Variants in COLEC12 observed in about 807,000 individuals in gnomAD.
The protein encoded by COLEC12 is collectin-12.
Under a neutral mutation model 71.1 loss-of-function variants are expected in COLEC12, and 33 were observed. The ratio of observed to expected loss-of-function variants is 0.46; its 90% CI spans 0.35 to 0.62. The LOEUF is 0.62. COLEC12 is among the 20% of genes least tolerant of loss of function. COLEC12 has a pLI of 0.00. For synonymous variants in COLEC12, 350 were observed against 353.0 expected, an observed-to-expected ratio of 0.99 and a Z score of 0.10; for missense variants, 765 against 916.1, an observed-to-expected ratio of 0.84 and a Z score of 2.13.
At chr18:432,053 G>C (rs147076521) in intron 2 of COLEC12, among the ~76,000 whole-genome samples, 2,485 of 152,256 alleles carry the variant, frequency 0.016, 55 homozygotes, top group Admixed American at 0.045. Context: ...AACATGGAAA[G>C]ATCACTGCTG....
chr18:420,283 C>T (rs536976175), intron 2 of COLEC12, among the ~76,000 whole-genome samples: 2 of 152,216 alleles, frequency 1.3e-5, no homozygotes, highest in Middle Eastern at 3.4e-3. Context: ...CAATGTAACA[C>T]GTGTATCACT....
rs952162500 is a variant in COLEC12, at chr18:317,555, T to A, written c.*2490A>T. Reference sequence around the variant, plus strand: ...TTGAAGGACTTGGACCAGTGCCTGATAAATAATAAGCACTTGGTAAGTTAT... The same window carrying A: ...TTGAAGGACTTGGACCAGTGCCTGAAAAATAATAAGCACTTGGTAAGTTAT... On this transcript the variant is annotated 3_prime_UTR_variant, in exon 10 of 10. Transcript: ENST00000400256. The A allele has an allele frequency of 3.9e-5, 6 of 152,244 alleles. No individual in the cohort carries two copies. The highest frequency in any genetic ancestry group is 8.8e-5 in the Non-Finnish European group (6 of 68,058). 9.4% of individuals were successfully genotyped at this position (152,244 alleles called of 1,614,324 possible).
intron 3 of COLEC12, among the ~76,000 whole-genome samples, chr18:354,511 T>C (rs1369961661): frequency 1.3e-5 from 2 of 152,250 alleles, no homozygotes; most frequent in Non-Finnish European, 2.9e-5. Context: ...TTGTGTTTCT[T>C]TCATTGAATA....
intron 2 of COLEC12, among the ~76,000 whole-genome samples, chr18:387,896 T>A (rs114615670): frequency 0.041 from 6,218 of 152,290 alleles, 452 homozygotes; most frequent in African/African-American, 0.14. Flanking sequence ...TTACTTTTTA[T>A]GCAACTGAGA....
chr18:335,424 G>A (rs1914097239), intron 5 of COLEC12, among the ~76,000 whole-genome samples, 194 bp from the exon 6 acceptor site: 1 of 152,132 alleles, frequency 6.6e-6, no homozygotes, highest in Non-Finnish European at 1.5e-5. Flanking sequence ...AAATTCTTAT[G>A]CTGAAGTCCT....
chr18:359,857 T>C (rs1212529057), intron 2 of COLEC12, among the ~76,000 whole-genome samples: 1 of 152,232 alleles, frequency 6.6e-6, no homozygotes, highest in East Asian at 1.9e-4. Flanking sequence ...ACAGTTGAAG[T>C]TTCTCTCCTT....
chr18:335,320 A>C, intron 5 of COLEC12, 90 bp from the exon 6 acceptor site: 2 of 1,387,362 alleles, frequency 1.4e-6, no homozygotes, highest in Middle Eastern at 1.9e-4. Flanking sequence ...CTCCAAATTA[A>C]AAAAACCTAG....
At chr18:360,178 C>CTT (rs778619867) in intron 2 of COLEC12, among the ~76,000 whole-genome samples, 26,997 of 141,480 alleles carry the variant, frequency 0.19, 2,802 homozygotes, top group Non-Finnish European at 0.24. Flanking sequence ...ATTTGGATTT[C>CTT]TTTTTTTTTT....
chr18:356,861 T>C lies in COLEC12; in HGVS notation c.181+539A>G, dbSNP rs372924774. Among the ~76,000 whole-genome samples the C allele has an allele frequency of 3.3e-5, 5 of 152,126 alleles. No homozygotes were observed. The East Asian group carries it at 7.7e-4, about 23-fold the overall frequency. On this transcript the variant is annotated intron_variant, in intron 3 of 9. Transcript: ENST00000400256. The stretch of plus-strand genomic sequence containing the variant: ...CATCCTATAAAGTAGGGTGAGGTGG[T>C]AGTGCTGCCTCTGTGCTTAATTTCT...
At chr18:479,526 ACTCTCT>A (rs541393393) in intron 2 of COLEC12, among the ~76,000 whole-genome samples, 21 of 144,074 alleles carry the variant, frequency 1.5e-4, no homozygotes, top group South Asian at 4.4e-4. Context: ...TCATTTTCAT[ACTCTCT>A]CTCTCTCTCT....
intron 2 of COLEC12, among the ~76,000 whole-genome samples, chr18:421,927 T>A (rs1421939271): frequency 6.6e-6 from 1 of 152,232 alleles, no homozygotes; most frequent in Non-Finnish European, 1.5e-5. Context: ...AATCTTTGGA[T>A]ACCAATCTAC....
chr18:331,457 A>G (rs1400451708), intron 8 of COLEC12, among the ~76,000 whole-genome samples: 1 of 152,216 alleles, frequency 6.6e-6, no homozygotes. Flanking sequence ...TCACTCCATG[A>G]AAAGAAGAAA....
chr18:481,517 C>T (rs772281116), intron 1 of COLEC12, among the ~76,000 whole-genome samples: 18 of 152,090 alleles, frequency 1.2e-4, no homozygotes, highest in African/African-American at 4.3e-4. Context: ...CCAGCCTGGC[C>T]AACATGGTGA....
intron 2 of COLEC12, among the ~76,000 whole-genome samples, chr18:440,378 T>C (rs12608007): frequency 0.049 from 5,963 of 121,388 alleles, 272 homozygotes; most frequent in African/African-American, 0.14. Context: ...CACACACACA[T>C]ACACACACAC....
rs34263909 is a variant in COLEC12 at position 406,515 on chromosome 18, C to CAAAAAA, written c.59-48999_59-48994dup. Among the ~76,000 whole-genome samples the CAAAAAA allele has an allele frequency of 2.3e-4, 21 of 90,448 alleles. 1 individual carries two copies. The highest frequency in any genetic ancestry group is 7.8e-4 in the African/African-American group (16 of 20,610). 59.3% of individuals were successfully genotyped at this position (90,448 alleles called of 152,430 possible). Reference sequence around the variant, plus strand: ...TGGACGACAGAGCGAGACTCCGTCTCAAAAAAAAAAAAAAAAAAAAAAAAA... The same window carrying CAAAAAA: ...TGGACGACAGAGCGAGACTCCGTCTCAAAAAAAAAAAAAAAAAAAAAAAAAAAAAAA... On this transcript the variant is annotated intron_variant, in intron 2 of 9. Coordinates refer to ENST00000400256, the MANE Select transcript of COLEC12 (RefSeq NM_130386.3).
At chr18:396,738 G>A (rs760139956) in intron 2 of COLEC12, among the ~76,000 whole-genome samples, 5 of 152,232 alleles carry the variant, frequency 3.3e-5, no homozygotes, top group Non-Finnish European at 5.9e-5. Context: ...GAATGCAGCC[G>A]CCTTGGCAAG....
intron 2 of COLEC12, among the ~76,000 whole-genome samples, chr18:440,038 GA>G (rs1567908374): frequency 2.0e-5 from 3 of 150,552 alleles, no homozygotes; most frequent in South Asian, 4.2e-4. Context: ...AAGAAAGAAG[GA>G]AATTCTGCTA....
chr18:461,367 CTTTT>C (rs1416735074), intron 2 of COLEC12, among the ~76,000 whole-genome samples: 1 of 152,018 alleles, frequency 6.6e-6, no homozygotes, highest in Non-Finnish European at 1.5e-5. Flanking sequence ...GAGAGGTTTT[CTTTT>C]TTAAAATTTA....
At chr18:498,749 T>C (rs1433742390) in intron 1 of COLEC12, among the ~76,000 whole-genome samples, 1 of 152,098 alleles carries the variant, frequency 6.6e-6, no homozygotes, top group Non-Finnish European at 1.5e-5. Context: ...CCTCCCCGAC[T>C]GGGGCGGAAA....
Sources: gnomAD v4.1 joint callset for allele counts (sites outside exome capture counted in the v4.1 genomes callset) on GRCh38, gnomAD v4.1.1 for gene constraint, MANE v1.5 for transcripts, NCBI Gene and HGNC (gene_info 2026-07-23, HGNC 2026-07-21) for gene names.